The following LUZP2 variants were observed in gnomAD, a reference collection of about 807,000 sequenced individuals.
LUZP2 encodes leucine zipper protein 2.
LUZP2 carries 52 observed loss-of-function variants against 51.6 expected under a neutral mutation model. The observed-to-expected ratio is 1.01, with a 90% CI of 0.81 to 1.27. The LOEUF is 1.27. LUZP2 is among the 50% of genes most tolerant of loss of function. The probability of loss-of-function intolerance (pLI) is 0.00; values close to 1 mark genes in which losing one functional copy is unlikely to be tolerated. For missense variants in LUZP2, 436 were observed against 395.4 expected (o/e 1.10, Z -0.87); for synonymous variants, 154 against 137.3 (o/e 1.12, Z -0.85).
intron 10 of LUZP2, among the ~76,000 whole-genome samples, chr11:25,072,196 G>C (rs1334628181): frequency 6.6e-6 from 1 of 152,050 alleles, no homozygotes; most frequent in African/African-American, 2.4e-5. Context: ...GTTGCCACTG[G>C]ATGTGACCTG....
chr11:25,015,452 C>T (rs564975954), intron 9 of LUZP2, among the ~76,000 whole-genome samples: 2 of 152,298 alleles, frequency 1.3e-5, no homozygotes, highest in East Asian at 3.9e-4. Flanking sequence ...TAGGATCTAA[C>T]CCAGGATTCC....
chr11:24,738,307 G>A lies in LUZP2; in HGVS notation c.333+5G>A. 6.2e-7 allele frequency: 1 copy of A among 1,608,678 alleles called. No homozygotes were observed. The highest frequency in any genetic ancestry group is 8.5e-7 in the Non-Finnish European group (1 of 1,176,200). The stretch of plus-strand genomic sequence containing the variant: ...GCAGAAAAACACCAGGCTACTGTAA[G>A]TGTGTTTCTTCTTTGTGCCTTTTGC... On this transcript the variant is annotated splice_donor_5th_base_variant and intron_variant, in intron 4 of 11. Transcript: ENST00000336930.
At chr11:24,536,124 A>T (rs1851170399) in intron 1 of LUZP2, among the ~76,000 whole-genome samples, 1 of 151,730 alleles carries the variant, frequency 6.6e-6, no homozygotes, top group Non-Finnish European at 1.5e-5. Context: ...CATTCTGTAA[A>T]CAGATATGCT....
chr11:24,728,730 C>T (rs1016294070), intron 1 of LUZP2, among the ~76,000 whole-genome samples: 3 of 151,972 alleles, frequency 2.0e-5, no homozygotes, highest in African/African-American at 7.2e-5. Flanking sequence ...GATATTTATT[C>T]ACTTTTTGAA....
intron 4 of LUZP2, among the ~76,000 whole-genome samples, chr11:24,752,327 T>A (rs376135944): frequency 6.6e-6 from 1 of 152,150 alleles, no homozygotes; most frequent in South Asian, 2.1e-4. Flanking sequence ...AATAAAGCAA[T>A]GTTTTAGTAC....
At chr11:25,029,666 G>A (rs1857588901) in intron 9 of LUZP2, among the ~76,000 whole-genome samples, 1 of 151,474 alleles carries the variant, frequency 6.6e-6, no homozygotes, top group Non-Finnish European at 1.5e-5. Flanking sequence ...GAACCCGGGA[G>A]GCGGAGGTTG....
intron 1 of LUZP2, among the ~76,000 whole-genome samples, chr11:24,628,943 G>A (rs1854781870): frequency 6.6e-6 from 1 of 152,042 alleles, no homozygotes; most frequent in African/African-American, 2.4e-5. Flanking sequence ...TATGCATGTA[G>A]CAGAATTAAT....
chr11:24,948,283 A>G (rs1195277265), intron 7 of LUZP2, among the ~76,000 whole-genome samples: 1 of 151,414 alleles, frequency 6.6e-6, no homozygotes, highest in East Asian at 1.9e-4. Flanking sequence ...AGTAATGACA[A>G]CTTCTTTATT....
At chr11:24,918,682 C>T (rs1438379505) in intron 7 of LUZP2, among the ~76,000 whole-genome samples, 1 of 150,614 alleles carries the variant, frequency 6.6e-6, no homozygotes, top group Non-Finnish European at 1.5e-5. Context: ...AGAAAAATTT[C>T]AAAAAAGTGT....
At chr11:25,039,151 G>A (rs751959206) in intron 9 of LUZP2, among the ~76,000 whole-genome samples, 5 of 152,154 alleles carry the variant, frequency 3.3e-5, no homozygotes, top group African/African-American at 1.2e-4. Flanking sequence ...TATTGTTGTT[G>A]TTAGATCTTT....
At chr11:24,843,883 T>C (rs1331226649) in intron 5 of LUZP2, among the ~76,000 whole-genome samples, 1 of 152,200 alleles carries the variant, frequency 6.6e-6, no homozygotes, top group Non-Finnish European at 1.5e-5. Flanking sequence ...CCATGTAAGA[T>C]GTGACTTGCT....
intron 7 of LUZP2, among the ~76,000 whole-genome samples, chr11:24,950,984 T>G (rs1158145294): frequency 6.6e-6 from 1 of 151,560 alleles, no homozygotes; most frequent in Non-Finnish European, 1.5e-5. Context: ...AACCCCCAAT[T>G]TGTCTTTCAA....
At chr11:24,842,747 G>T (rs1365269012) in intron 5 of LUZP2, among the ~76,000 whole-genome samples, 1 of 151,786 alleles carries the variant, frequency 6.6e-6, no homozygotes, top group South Asian at 2.1e-4. Context: ...ACTGCTTTAA[G>T]ATTATATGTA....
At chr11:25,010,190 C>T (rs1258037258) in intron 9 of LUZP2, among the ~76,000 whole-genome samples, 1 of 152,202 alleles carries the variant, frequency 6.6e-6, no homozygotes, top group East Asian at 1.9e-4. Context: ...GCTGCTATTT[C>T]CTAGTTATAA....
At chr11:24,889,603 A>T (rs1009595313) in intron 5 of LUZP2, among the ~76,000 whole-genome samples, 1 of 152,190 alleles carries the variant, frequency 6.6e-6, no homozygotes, top group African/African-American at 2.4e-5. Context: ...ATGTTTTTGA[A>T]GCATATACCA....
chr11:24,897,256 A>C (rs553551483), intron 5 of LUZP2, among the ~76,000 whole-genome samples: 9 of 152,354 alleles, frequency 5.9e-5, no homozygotes, highest in Non-Finnish European at 1.0e-4. Context: ...TGGGCCAATC[A>C]GCAGGATGCA....
At chr11:24,507,612 G>T (rs890616215) in intron 1 of LUZP2, among the ~76,000 whole-genome samples, 4 of 151,912 alleles carry the variant, frequency 2.6e-5, no homozygotes, top group Middle Eastern at 3.2e-3. Context: ...AAACTACAAA[G>T]AATTCACACT....
At chr11:24,645,840 AGTGTGT>A (rs3077994) in intron 1 of LUZP2, among the ~76,000 whole-genome samples, 93 of 149,782 alleles carry the variant, frequency 6.2e-4, no homozygotes, top group Admixed American at 1.1e-3. Flanking sequence ...ATATATATTA[AGTGTGT>A]GTGTGTGTGT....
intron 5 of LUZP2, chr11:24,891,348 A>C (rs1852847489): frequency 1.1e-6 from 1 of 886,652 alleles, no homozygotes; most frequent in Non-Finnish European, 1.4e-6. Context: ...ATACATACTG[A>C]CATGTACATA....
Sources: gnomAD v4.1 joint callset for allele counts (sites outside exome capture counted in the v4.1 genomes callset) on GRCh38, gnomAD v4.1.1 for gene constraint, MANE v1.5 for transcripts, NCBI Gene and HGNC (gene_info 2026-07-23, HGNC 2026-07-21) for gene names.